The following PRKAR1A variants were observed in gnomAD, a reference collection of about 807,000 sequenced individuals.
The protein encoded by PRKAR1A is protein kinase cAMP-dependent type I regulatory subunit alpha.
Under a neutral mutation model 52.0 loss-of-function variants are expected in PRKAR1A, and 3 were observed. The ratio of observed to expected loss-of-function variants is 0.06; its 90% CI spans 0.03 to 0.15. The LOEUF (loss-of-function observed/expected upper bound fraction) is 0.15. Ranked by LOEUF, PRKAR1A falls within the 10% of genes least tolerant of loss-of-function variation. The probability of loss-of-function intolerance (pLI) is 1.00; values close to 1 mark genes in which losing one functional copy is unlikely to be tolerated. For missense variants in PRKAR1A, 240 were observed against 477.4 expected, an observed-to-expected ratio of 0.50 and a Z score of 4.63; for synonymous variants, 188 against 168.4, an observed-to-expected ratio of 1.12 and a Z score of -0.90.
chr17:68,534,584 T>G (rs1185973068), downstream of PRKAR1A, among the ~76,000 whole-genome samples: 6 of 151,226 alleles, frequency 4.0e-5, no homozygotes, highest in Non-Finnish European at 7.4e-5. Flanking sequence ...TTTTTGCATT[T>G]TTGTATTTTT....
rs190803359 is a variant in PRKAR1A, at chr17:68,515,390, G to A, written c.-6-4G>A. The A allele has an allele frequency of 5.4e-5, 87 of 1,612,598 alleles. No homozygotes were observed. In the African/African-American group the frequency reaches 8.4e-4, roughly 16 times the overall value. Reference sequence around the variant, plus strand: ...ACAAGCATGTGTGTGTTTTTTTCTCGCAGAGAACCATGGAGTCTGGCAGTA... The same window carrying A: ...ACAAGCATGTGTGTGTTTTTTTCTCACAGAGAACCATGGAGTCTGGCAGTA... On this transcript the variant is annotated splice_polypyrimidine_tract_variant and splice_region_variant and intron_variant, in intron 1 of 10. Coordinates refer to ENST00000589228, the MANE Select transcript of PRKAR1A (RefSeq NM_002734.5).
At chr17:68,499,405 A>AGG in the PRKAR1A span, among the ~76,000 whole-genome samples, 2 of 147,234 alleles carry the variant, frequency 1.4e-5, no homozygotes, top group Non-Finnish European at 3.0e-5. Flanking sequence ...AGAGAGAGAG[A>AGG]GGAGGGATAT....
chr17:68,521,365 G>A (rs2143248846), intron 2 of PRKAR1A, among the ~76,000 whole-genome samples: 1 of 152,324 alleles, frequency 6.6e-6, no homozygotes, highest in East Asian at 1.9e-4. Context: ...AAGTAGCTGG[G>A]ACTACAGGTG....
At chr17:68,543,591 C>G (rs759648622) in intron 11 of PRKAR1A, 8 of 1,585,638 alleles carry the variant, frequency 5.0e-6, no homozygotes, top group Non-Finnish European at 6.9e-6. Context: ...AGGATTGGTC[C>G]TTATAGGCAA....
the PRKAR1A span, among the ~76,000 whole-genome samples, chr17:68,414,769 T>C: frequency 6.6e-6 from 1 of 152,186 alleles, no homozygotes; most frequent in Non-Finnish European, 1.5e-5. Context: ...AGGAGGGTTG[T>C]ATTTTTCCAG....
chr17:68,500,568 C>A, the PRKAR1A span, among the ~76,000 whole-genome samples: 1 of 150,200 alleles, frequency 6.7e-6, no homozygotes, highest in South Asian at 2.1e-4. Context: ...GGCTGGAGTG[C>A]AATGGCGCGA....
chr17:68,542,361 G>C (rs1210886740), intron 11 of PRKAR1A, among the ~76,000 whole-genome samples: 1 of 152,164 alleles, frequency 6.6e-6, no homozygotes, highest in Admixed American at 6.5e-5. Flanking sequence ...CTGGGAACCT[G>C]CTTTCAAATG....
chr17:68,479,943 C>G, the PRKAR1A span, among the ~76,000 whole-genome samples: 1 of 152,132 alleles, frequency 6.6e-6, no homozygotes, highest in African/African-American at 2.4e-5. Context: ...ATAAAAGCAC[C>G]AGGTCTTGTG....
At chr17:68,471,778 G>A in the PRKAR1A span, among the ~76,000 whole-genome samples, 1 of 152,086 alleles carries the variant, frequency 6.6e-6, no homozygotes, top group Admixed American at 6.5e-5. Context: ...GAGGACTCCC[G>A]TGAGACCTTC....
chr17:68,435,716 T>C, the PRKAR1A span: 5 of 1,614,154 alleles, frequency 3.1e-6, no homozygotes, highest in Non-Finnish European at 4.2e-6. Context: ...CTGTTTTCTG[T>C]TGGTGAAAAG....
chr17:68,474,041 C>T, the PRKAR1A span, among the ~76,000 whole-genome samples: 2,333 of 152,144 alleles, frequency 0.015, 82 homozygotes, highest in African/African-American at 0.053. Flanking sequence ...AGAAAAGGAA[C>T]TCTTGAAGAA....
the PRKAR1A span, among the ~76,000 whole-genome samples, chr17:68,471,585 C>T: frequency 1.3e-5 from 2 of 152,210 alleles, no homozygotes; most frequent in Admixed American, 6.5e-5. Flanking sequence ...TCCTCCTTTC[C>T]GTTCCGTCTC....
intron 1 of PRKAR1A, among the ~76,000 whole-genome samples, chr17:68,514,046 C>G (rs939833871): frequency 1.3e-5 from 2 of 152,058 alleles, no homozygotes; most frequent in East Asian, 3.8e-4. Flanking sequence ...ATAAATCTAT[C>G]CTAAAGTAAA....
At chr17:68,486,615 C>G in the PRKAR1A span, among the ~76,000 whole-genome samples, 2 of 149,308 alleles carry the variant, frequency 1.3e-5, no homozygotes, top group African/African-American at 5.0e-5. Context: ...TCTTTTCTCT[C>G]CTTCCTCCTT....
the PRKAR1A span, among the ~76,000 whole-genome samples, chr17:68,456,041 A>C: frequency 3.9e-5 from 6 of 152,208 alleles, no homozygotes; most frequent in Non-Finnish European, 8.8e-5. Context: ...AGTGAGTCAC[A>C]AGCAGCTTAG....
chr17:68,540,349 T>G (rs1308289070), intron 11 of PRKAR1A, among the ~76,000 whole-genome samples: 1 of 152,214 alleles, frequency 6.6e-6, no homozygotes, highest in East Asian at 1.9e-4. Context: ...ACAGCTAAAC[T>G]TCCTGAAAGG....
intron 11 of PRKAR1A, chr17:68,543,844 G>A (rs780295348): frequency 4.8e-6 from 4 of 832,130 alleles, no homozygotes; most frequent in Non-Finnish European, 8.1e-6. Flanking sequence ...GTACACACAG[G>A]CGATGGCACG....
the PRKAR1A span, among the ~76,000 whole-genome samples, chr17:68,431,948 C>T: frequency 6.6e-6 from 1 of 152,172 alleles, no homozygotes; most frequent in African/African-American, 2.4e-5. Context: ...TGAACGGCAT[C>T]TTAACAGCTC....
downstream of PRKAR1A, chr17:68,536,589 G>C (rs1482997599): frequency 4.4e-6 from 2 of 453,728 alleles, no homozygotes; most frequent in East Asian, 1.4e-4. Flanking sequence ...TTCTTTTGGG[G>C]ATGGGCCGGG....
Sources: allele counts gnomAD v4.1 joint callset (sites outside exome capture counted in the v4.1 genomes callset), GRCh38; gene constraint gnomAD v4.1.1; transcripts MANE v1.5; gene names NCBI Gene and HGNC (gene_info 2026-07-23, HGNC 2026-07-21).